The following SHROOM3 variants were observed in gnomAD, a reference collection of about 807,000 sequenced individuals.
The protein encoded by SHROOM3 is shroom family member 3.
A neutral mutation model predicts 138.6 loss-of-function variants in SHROOM3; 47 were observed. The observed-to-expected ratio is 0.34, with a 90% CI of 0.27 to 0.43. SHROOM3 has a LOEUF of 0.43. Among genes scored for constraint, SHROOM3 ranks in the 20% least tolerant of loss-of-function variants. The pLI is 1.00. For synonymous variants in SHROOM3, 1,062 were observed against 1,063.3 expected (o/e 1.00, Z 0.02); for missense variants, 2,491 against 2,596.5 (o/e 0.96, Z 0.88).
At chr4:76,644,812 G>C (rs1266019292) in intron 2 of SHROOM3, among the ~76,000 whole-genome samples, 81 of 152,276 alleles carry the variant, frequency 5.3e-4, no homozygotes, top group Non-Finnish European at 2.9e-5. Flanking sequence ...ATGTGACCTA[G>C]ATTCTTACCT....
At chr4:76,695,720 G>A (rs969237999) in intron 2 of SHROOM3, among the ~76,000 whole-genome samples, 6 of 152,174 alleles carry the variant, frequency 3.9e-5, no homozygotes, top group African/African-American at 1.4e-4. Flanking sequence ...TTTTCACTTA[G>A]TTTCTCCCCC....
intron 2 of SHROOM3, among the ~76,000 whole-genome samples, chr4:76,593,345 T>G (rs73828185): frequency 0.032 from 4,876 of 152,296 alleles, 252 homozygotes; most frequent in African/African-American, 0.11. Context: ...CCTAGAGGAT[T>G]TGGCATCCTA....
intron 2 of SHROOM3, among the ~76,000 whole-genome samples, chr4:76,636,757 C>T (rs1173106839): frequency 6.6e-6 from 1 of 152,168 alleles, no homozygotes; most frequent in Admixed American, 6.5e-5. Flanking sequence ...TGTGAGTGCG[C>T]CCTGTAATGG....
At chr4:76,728,492 G>A (rs1363184217) in intron 3 of SHROOM3, among the ~76,000 whole-genome samples, 1 of 152,196 alleles carries the variant, frequency 6.6e-6, no homozygotes, top group Non-Finnish European at 1.5e-5. Flanking sequence ...AAGCCATGTG[G>A]AAGTGTGAGT....
chr4:76,532,427 A>G (rs1442604699), intron 1 of SHROOM3: 1 of 152,102 alleles, frequency 6.6e-6, no homozygotes, highest in Non-Finnish European at 1.5e-5. Context: ...ATTTCCTCAA[A>G]TTTGAGAGCT....
chr4:76,683,857 C>G (rs941883209), intron 2 of SHROOM3, among the ~76,000 whole-genome samples: 5 of 152,018 alleles, frequency 3.3e-5, no homozygotes, highest in African/African-American at 9.7e-5. Context: ...TTAAAAAATC[C>G]TCAAAGTCTA....
chr4:76,573,314 C>A (rs2110039184), intron 2 of SHROOM3, among the ~76,000 whole-genome samples: 1 of 150,442 alleles, frequency 6.6e-6, no homozygotes, highest in East Asian at 2.0e-4. Context: ...AGTCACATGA[C>A]AATTTAGATG....
rs146166664 is a variant in SHROOM3 at position 76,645,326 on chromosome 4, C to G, written c.324-64830C>G. 1.2e-3 allele frequency: 182 copies of G among 152,304 alleles called. 2 individuals carry two copies. Among genetic ancestry groups the G allele is most frequent in the African/African-American group, 4.2e-3 (175 of 41,566 alleles). 9.4% of individuals were successfully genotyped at this position (152,304 alleles called of 1,614,324 possible). A position where few individuals can be genotyped will look rare whatever the true frequency, so the allele number is the denominator to read the frequency against. ...TCTCCCCACCGGTCACTGTTAGCCT[C>G]GAGTTTGACCCTCAACATCCCCAGA... On this transcript the variant is annotated intron_variant, in intron 2 of 10. Transcript: ENST00000296043.
intron 1 of SHROOM3, among the ~76,000 whole-genome samples, chr4:76,485,749 CA>C (rs745495062): frequency 6.6e-6 from 1 of 152,152 alleles, no homozygotes; most frequent in Non-Finnish European, 1.5e-5. Flanking sequence ...ATAATGTGAT[CA>C]GGGGCTCTAA....
intron 2 of SHROOM3, among the ~76,000 whole-genome samples, chr4:76,706,334 C>T (rs967438391): frequency 5.9e-5 from 9 of 152,046 alleles, no homozygotes; most frequent in Admixed American, 4.6e-4. Flanking sequence ...AGGCTGGTCT[C>T]GATCGCTTGA....
chr4:76,626,252 A>G (rs912525012), intron 2 of SHROOM3, among the ~76,000 whole-genome samples: 1 of 152,066 alleles, frequency 6.6e-6, no homozygotes, highest in Non-Finnish European at 1.5e-5. Context: ...TGATAGTGGG[A>G]TTTTTTTTAT....
At chr4:76,493,740 G>A (rs1308938695) in intron 1 of SHROOM3, among the ~76,000 whole-genome samples, 1 of 152,128 alleles carries the variant, frequency 6.6e-6, no homozygotes, top group African/African-American at 2.4e-5. Context: ...CAACATTTTG[G>A]GAGGCCAAGG....
At chr4:76,604,533 GA>G (rs1734576595) in intron 2 of SHROOM3, among the ~76,000 whole-genome samples, 1 of 152,176 alleles carries the variant, frequency 6.6e-6, no homozygotes, top group Non-Finnish European at 1.5e-5. Flanking sequence ...TTATTCTGGT[GA>G]ACAAAGGCAC....
At chr4:76,467,880 A>G (rs1471876161) in intron 1 of SHROOM3, among the ~76,000 whole-genome samples, 3 of 152,262 alleles carry the variant, frequency 2.0e-5, no homozygotes, top group African/African-American at 7.2e-5. Flanking sequence ...GCTGATTCCA[A>G]GGAGTGCATA....
chr4:76,775,775 T>C (rs112586555), intron 10 of SHROOM3, among the ~76,000 whole-genome samples: 1,524 of 151,576 alleles, frequency 0.01, 26 homozygotes, highest in African/African-American at 0.035. Context: ...TATGTGTACA[T>C]ACACATATAT....
chr4:76,741,464 G>A lies in SHROOM3; in HGVS notation c.3291G>A (p.Arg1097=). Residue 1097 remains arginine, a synonymous_variant, in exon 5 of 11, where the codon CGG becomes CGA. Transcript: ENST00000296043. This position sits in a 1 kb window ranked among gnomAD's most constrained non-coding sequence, Gnocchi z 6.2. ...ADYIQRKTGK[R]PTSAAGCSLQ... ...ACATCCAGCGCAAGACCGGCAAGCG[G>A]CCTACCTCCGCCGCCGGCTGCAGCC... 1.3e-6 allele frequency: 2 copies of A among 1,566,044 alleles called. No individual in the cohort carries two copies. The highest frequency in any genetic ancestry group is 1.7e-6 in the Non-Finnish European group (2 of 1,159,014).
chr4:76,455,635 T>A (rs1389033319), intron 1 of SHROOM3, among the ~76,000 whole-genome samples: 2 of 152,080 alleles, frequency 1.3e-5, no homozygotes, highest in Non-Finnish European at 1.5e-5. Flanking sequence ...CAAAAAAGAA[T>A]AACCAAGGGT....
intron 2 of SHROOM3, among the ~76,000 whole-genome samples, chr4:76,668,683 T>C (rs1718790456): frequency 6.6e-6 from 1 of 152,130 alleles, no homozygotes; most frequent in Non-Finnish European, 1.5e-5. Flanking sequence ...ATGAGGCAGA[T>C]CAGATTCCGA....
chr4:76,499,498 A>G (rs1043137089), intron 1 of SHROOM3, among the ~76,000 whole-genome samples: 5 of 152,358 alleles, frequency 3.3e-5, no homozygotes, highest in South Asian at 2.1e-4. Context: ...GTAAATTTCA[A>G]TATACTGAAA....
Sources: gnomAD v4.1 joint callset for allele counts (sites outside exome capture counted in the v4.1 genomes callset) on GRCh38, gnomAD v4.1.1 for gene constraint, Gnocchi (gnomAD v3.1) non-coding constraint, MANE v1.5 for transcripts, NCBI Gene and HGNC (gene_info 2026-07-23, HGNC 2026-07-21) for gene names.